The following TAF4B variants were observed in gnomAD, a reference collection of about 807,000 sequenced individuals.
TAF4B encodes the protein transcription initiation factor TFIID subunit 4B.
A neutral mutation model predicts 86.4 loss-of-function variants in TAF4B; 38 were observed. The ratio of observed to expected loss-of-function variants is 0.44; its 90% CI spans 0.34 to 0.58. The LOEUF is 0.58. Ranked by LOEUF, TAF4B falls within the 20% of genes least tolerant of loss-of-function variation. The pLI, the probability that TAF4B is intolerant of heterozygous loss-of-function variation, is 0.02. For synonymous variants in TAF4B, 388 were observed against 391.2 expected (o/e 0.99, Z 0.10); for missense variants, 988 against 1,027.6 (o/e 0.96, Z 0.53).
intron 13 of TAF4B, among the ~76,000 whole-genome samples, chr18:26,356,338 G>A (rs187348141): frequency 4.6e-5 from 7 of 152,130 alleles, no homozygotes; most frequent in African/African-American, 1.2e-4. Flanking sequence ...GGATACAGAC[G>A]TTCAGAACAT....
At chr18:26,316,183 A>G (rs1277582471) in intron 10 of TAF4B, among the ~76,000 whole-genome samples, 2 of 152,116 alleles carry the variant, frequency 1.3e-5, no homozygotes, top group African/African-American at 4.8e-5. Context: ...ATGAGCTTCA[A>G]ATATACTTAA....
chr18:26,227,553 C>T (rs1364798187), intron 1 of TAF4B, among the ~76,000 whole-genome samples: 1 of 152,104 alleles, frequency 6.6e-6, no homozygotes, highest in African/African-American at 2.4e-5. Flanking sequence ...GATAATATAG[C>T]CGAAGTTAAT....
intron 5 of TAF4B, 65 bp from the exon 6 acceptor site, chr18:26,281,906 A>T (rs1194356060): frequency 8.1e-7 from 1 of 1,227,818 alleles, no homozygotes; most frequent in Non-Finnish European, 1.2e-6. Context: ...ATCATGAATT[A>T]TATACTTTGT....
intron 1 of TAF4B, among the ~76,000 whole-genome samples, chr18:26,233,254 A>AT (rs1013569398): frequency 3.3e-5 from 5 of 151,928 alleles, no homozygotes; most frequent in Non-Finnish European, 1.5e-5. Context: ...TCTGTGTTCT[A>AT]TTTTCCCATT....
chr18:26,358,572 T>A (rs1282004754), intron 14 of TAF4B, among the ~76,000 whole-genome samples: 13 of 152,116 alleles, frequency 8.5e-5, no homozygotes, highest in Admixed American at 7.9e-4. Context: ...TAGCCGAACG[T>A]GGTGGCGGGC....
intron 11 of TAF4B, among the ~76,000 whole-genome samples, chr18:26,322,621 T>A (rs2056972168): frequency 6.6e-6 from 1 of 152,158 alleles, no homozygotes; most frequent in Non-Finnish European, 1.5e-5. Context: ...GTTATTTGCA[T>A]CTTCTCTCTT....
chr18:26,331,758 A>G (rs550248472), intron 12 of TAF4B, among the ~76,000 whole-genome samples: 7 of 152,186 alleles, frequency 4.6e-5, no homozygotes, highest in Admixed American at 1.3e-4. Flanking sequence ...AGTCTAATTC[A>G]TCTTTCACTT....
At chr18:26,322,914 T>C (rs1014470673) in intron 11 of TAF4B, among the ~76,000 whole-genome samples, 1 of 152,150 alleles carries the variant, frequency 6.6e-6, no homozygotes, top group African/African-American at 2.4e-5. Flanking sequence ...CTGCATTCCA[T>C]AAGTTTTGGT....
chr18:26,372,697 G>A (rs914132566), intron 14 of TAF4B, among the ~76,000 whole-genome samples: 1 of 152,054 alleles, frequency 6.6e-6, no homozygotes, highest in Non-Finnish European at 1.5e-5. Flanking sequence ...CCGGCTGGGC[G>A]CGGTGGCTCA....
intron 9 of TAF4B, among the ~76,000 whole-genome samples, chr18:26,309,871 C>G (rs1272049455): frequency 6.6e-6 from 1 of 152,034 alleles, no homozygotes; most frequent in Non-Finnish European, 1.5e-5. Context: ...CTCTGTCGCC[C>G]AAGCTGGAGT....
intron 12 of TAF4B, among the ~76,000 whole-genome samples, chr18:26,333,843 A>G (rs1308708003): frequency 6.6e-6 from 1 of 152,100 alleles, no homozygotes. Context: ...GAGTTACTAC[A>G]ATTACTTTGT....
intron 12 of TAF4B, among the ~76,000 whole-genome samples, chr18:26,332,810 G>A (rs1439135038): frequency 6.6e-6 from 1 of 152,118 alleles, no homozygotes; most frequent in African/African-American, 2.4e-5. Context: ...GGGATTACAG[G>A]CGTGAGCCAC....
intron 13 of TAF4B, among the ~76,000 whole-genome samples, chr18:26,352,809 T>C (rs1182646077): frequency 6.6e-6 from 1 of 152,166 alleles, no homozygotes; most frequent in Admixed American, 6.5e-5. Flanking sequence ...GTGCATAAGT[T>C]TGGCAACTTA....
chr18:26,266,063 C>T (rs1427300603), intron 2 of TAF4B: 3 of 152,306 alleles, frequency 2.0e-5, no homozygotes, highest in Non-Finnish European at 2.9e-5. Context: ...GCGTGAGCCA[C>T]TGCACTTGAC....
intron 5 of TAF4B, among the ~76,000 whole-genome samples, chr18:26,275,444 C>T (rs1568121189): frequency 6.6e-6 from 1 of 152,186 alleles, no homozygotes; most frequent in Non-Finnish European, 1.5e-5. Flanking sequence ...GCGTGAACCA[C>T]CAAGCCCGGC....
chr18:26,286,842 CCTTT>C (rs2056530473), intron 7 of TAF4B, among the ~76,000 whole-genome samples: 1 of 152,090 alleles, frequency 6.6e-6, no homozygotes, highest in Admixed American at 6.5e-5. Flanking sequence ...CACCACCACG[CCTTT>C]CTAATTTTTG....
At chr18:26,335,936 T>C (rs559543062) in intron 13 of TAF4B, among the ~76,000 whole-genome samples, 3 of 152,332 alleles carry the variant, frequency 2.0e-5, no homozygotes, top group Non-Finnish European at 4.4e-5. Flanking sequence ...CTTATTTTAA[T>C]TGAGCCTTAA....
intron 13 of TAF4B, among the ~76,000 whole-genome samples, chr18:26,352,171 T>C (rs890672662): frequency 6.6e-6 from 1 of 152,048 alleles, no homozygotes; most frequent in Non-Finnish European, 1.5e-5. Flanking sequence ...AATCTAATCA[T>C]AATTATTACA....
intron 14 of TAF4B, among the ~76,000 whole-genome samples, chr18:26,363,561 A>G (rs1598830578): frequency 6.6e-6 from 1 of 151,986 alleles, no homozygotes; most frequent in Admixed American, 6.6e-5. Flanking sequence ...AAATAAAAGA[A>G]AAAAGGAGAG....
Sources: gnomAD v4.1 joint callset for allele counts (sites outside exome capture counted in the v4.1 genomes callset) on GRCh38, gnomAD v4.1.1 for gene constraint, MANE v1.5 for transcripts, NCBI Gene and HGNC (gene_info 2026-07-23, HGNC 2026-07-21) for gene names.